The following SIRT2 variants were observed in gnomAD, a reference collection of about 807,000 sequenced individuals.
SIRT2 encodes the protein sirtuin 2.
A neutral mutation model predicts 57.4 loss-of-function variants in SIRT2; 40 were observed. The observed-to-expected ratio is 0.70, with a 90% CI of 0.54 to 0.91. The LOEUF is 0.91. Among genes scored for constraint, SIRT2 ranks in the 40% least tolerant of loss-of-function variants. SIRT2 has a pLI of 0.00. For synonymous variants in SIRT2, 161 were observed against 195.7 expected, an observed-to-expected ratio of 0.82 and a Z score of 1.48; for missense variants, 439 against 510.4, an observed-to-expected ratio of 0.86 and a Z score of 1.35.
rs201595060 is a variant in SIRT2 at position 38,880,640 on chromosome 19, G to A, written c.876+45C>T. ...TCCCTCTGAGGAAAAGGGTGAGAGG[G>A]AAGGGGGAGCCTGTGACGACGGGGG... On this transcript the variant is annotated intron_variant, in intron 13 of 15. Transcript: ENST00000249396. The surrounding 1 kb of genome is among the most constrained non-coding windows in gnomAD (Gnocchi z 4.1). 1 of 1,414,458 alleles carries A rather than the reference G, an allele frequency of 7.1e-7. No homozygotes were observed. The highest frequency in any genetic ancestry group is 1.4e-5 in the South Asian group (1 of 74,062). 87.6% of individuals were successfully genotyped at this position (1,414,458 alleles called of 1,614,324 possible).
chr19:38,893,879 G>T lies in SIRT2; in HGVS notation c.64-12C>A. The stretch of plus-strand genomic sequence containing the variant: ...TCTGAATCTGAGTCCTGGAAGGGGT[G>T]GGGTGGAGTGGCCAGGCCCGAGAGG... On this transcript the variant is annotated splice_polypyrimidine_tract_variant and intron_variant, in intron 2 of 15. Coordinates refer to ENST00000249396, the MANE Select transcript of SIRT2 (RefSeq NM_012237.4). 1.9e-6 allele frequency: 3 copies of T among 1,614,026 alleles called. No homozygotes were observed. Among genetic ancestry groups the T allele is most frequent in the Non-Finnish European group, 2.5e-6 (3 of 1,179,954 alleles).
chr19:38,890,285 C>A, intron 4 of SIRT2, 141 bp from the exon 5 acceptor site: 2 of 761,064 alleles, frequency 2.6e-6, no homozygotes, highest in Non-Finnish European at 2.2e-6. Context: ...GCCTTCCAAT[C>A]ATCTAGACGG....
chr19:38,886,460 T>C (rs113468314), intron 8 of SIRT2, among the ~76,000 whole-genome samples: 128 of 151,990 alleles, frequency 8.4e-4, no homozygotes, highest in African/African-American at 2.9e-3. Flanking sequence ...TGGTTTTTTT[T>C]TTTTTTTCTT....
At chr19:38,881,011 T>C in intron 11 of SIRT2, 89 bp downstream of exon 11, 2 of 1,552,794 alleles carry the variant, frequency 1.3e-6, no homozygotes, top group Non-Finnish European at 1.8e-6. Flanking sequence ...AGGTGACCTT[T>C]CCTGAGGCAG....
chr19:38,883,475 T>C, intron 9 of SIRT2, 152 bp downstream of exon 9: 1 of 1,020,304 alleles, frequency 9.8e-7, no homozygotes, highest in East Asian at 2.5e-5. Context: ...ACTCCCCGCG[T>C]GGGCGACAGA....
intron 2 of SIRT2, among the ~76,000 whole-genome samples, chr19:38,895,980 G>T (rs2144703805): frequency 6.6e-6 from 1 of 152,280 alleles, no homozygotes; most frequent in South Asian, 2.1e-4. Flanking sequence ...GCTGAGGCAG[G>T]AGAATCGCTT....
chr19:38,892,295 C>G (rs542468935), intron 4 of SIRT2, among the ~76,000 whole-genome samples: 1 of 151,678 alleles, frequency 6.6e-6, no homozygotes, highest in African/African-American at 2.4e-5. Context: ...ACTCGGGAGG[C>G]TGAGGCAGGA....
At chr19:38,894,463 G>A in intron 2 of SIRT2, 1 of 221,850 alleles carries the variant, frequency 4.5e-6, no homozygotes, top group South Asian at 6.4e-5. Flanking sequence ...GGGAGCTTGG[G>A]TGCTGGGCGC....
At position 38,879,246 on chromosome 19, in the gene SIRT2, A is replaced by AC; in HGVS notation, c.1078dup (p.Val360GlyfsTer47). 6.2e-7 allele frequency: 1 copy of AC among 1,601,534 alleles called. No individual in the cohort carries two copies. Among genetic ancestry groups the AC allele is most frequent in the South Asian group, 1.1e-5 (1 of 89,824 alleles). ...GGAAGCTGAAGTGCTGGGGTTGGGG[A>AC]CCCCCGCCCCCGACTGGGCATCTAT... On this transcript the variant is annotated frameshift_variant, in exon 16 of 16. Transcript: ENST00000249396. LOFTEE classifies it low-confidence loss of function (END_TRUNC).
chr19:38,881,410 A>C, intron 10 of SIRT2, 22 bp downstream of exon 10: 1 of 1,612,900 alleles, frequency 6.2e-7, no homozygotes, highest in Non-Finnish European at 8.5e-7. Context: ...CCACCTGGGC[A>C]GGTCCCTGGC....
chr19:38,881,607 G>C (rs1973157924), intron 9 of SIRT2, 116 bp from the exon 10 acceptor site: 1 of 762,950 alleles, frequency 1.3e-6, no homozygotes, highest in East Asian at 2.7e-5. Context: ...TCCATCACTT[G>C]GAGTGTGATG....
At chr19:38,892,332 G>C (rs1321628329) in intron 4 of SIRT2, among the ~76,000 whole-genome samples, 7 of 151,600 alleles carry the variant, frequency 4.6e-5, no homozygotes, top group Admixed American at 3.3e-4. Flanking sequence ...GGAGGTGGAG[G>C]TTGCAGTGAG....
intron 4 of SIRT2, among the ~76,000 whole-genome samples, chr19:38,891,276 C>T (rs992787489): frequency 3.3e-5 from 5 of 152,290 alleles, no homozygotes; most frequent in African/African-American, 1.2e-4. Flanking sequence ...GGGCCGGGCC[C>T]GGTGGCTCAC....
At chr19:38,886,310 T>C (rs1973335258) in intron 8 of SIRT2, among the ~76,000 whole-genome samples, 2 of 152,216 alleles carry the variant, frequency 1.3e-5, no homozygotes, top group Non-Finnish European at 2.9e-5. Context: ...GTTTTGCCTT[T>C]GGTACTTGAC....
rs200503228 is a variant in SIRT2, at chr19:38,883,665, G to A, written c.593C>T (p.Ala198Val). ...TAGCGGGTATTCGTGCCGGCAGCTGGCGCTGACGCAGTGTGATGTGTAGAA... is the reference window on the plus strand; with the variant it reads ...TAGCGGGTATTCGTGCCGGCAGCTGACGCTGACGCAGTGTGATGTGTAGAA... The part of the protein sequence containing the change: ...GTFYTSHCVS[A>V]SCRHEYPLSW... The change falls in exon 9 of 16, where the codon GCC (alanine) becomes GTC (valine). Residue 198 changes from alanine to valine, a missense_variant. Transcript: ENST00000249396. The A allele has an allele frequency of 1.9e-6, 3 of 1,614,028 alleles. No individual in the cohort carries two copies. Among genetic ancestry groups the A allele is most frequent in the Non-Finnish European group, 2.5e-6 (3 of 1,180,004 alleles).
chr19:38,888,066 A>G (rs1014412720), intron 8 of SIRT2, among the ~76,000 whole-genome samples: 2 of 151,734 alleles, frequency 1.3e-5, no homozygotes, highest in African/African-American at 4.8e-5. Context: ...CTGTTTTATA[A>G]TTCGGGGTTC....
At chr19:38,898,146 G>A (rs968226059) in intron 2 of SIRT2, among the ~76,000 whole-genome samples, 2 of 152,242 alleles carry the variant, frequency 1.3e-5, no homozygotes, top group Non-Finnish European at 2.9e-5. Context: ...GGCAGGCAGT[G>A]GCAAGGAAGA....
At chr19:38,887,130 GT>G (rs1469804247) in intron 8 of SIRT2, among the ~76,000 whole-genome samples, 1 of 152,022 alleles carries the variant, frequency 6.6e-6, no homozygotes, top group African/African-American at 2.4e-5. Flanking sequence ...TAGAGATGGG[GT>G]TTACAACAGC....
chr19:38,880,399 C>G lies in SIRT2; in HGVS notation c.876+286G>C, dbSNP rs186054180. ...AGAGCGTGGACCCAACCCCGCCCCCCGCACTGTCTCTCCTGACCCCTGCAC... is the reference window on the plus strand; with the variant it reads ...AGAGCGTGGACCCAACCCCGCCCCCGGCACTGTCTCTCCTGACCCCTGCAC... On this transcript the variant is annotated intron_variant, in intron 13 of 15. Transcript: ENST00000249396. This position sits in a 1 kb window ranked among gnomAD's most constrained non-coding sequence, Gnocchi z 4.1. The G allele has an allele frequency of 5.0e-3, 1,883 of 376,994 alleles. 78 individuals are homozygous for G. The Admixed American group carries it at 0.071, about 14-fold the overall frequency. The allele number at this position is 376,994 out of a possible 1,614,324, so 23.4% of individuals were successfully genotyped here. A position where few individuals can be genotyped will look rare whatever the true frequency, so the allele number is the denominator to read the frequency against.
Sources: gnomAD v4.1 joint callset for allele counts (sites outside exome capture counted in the v4.1 genomes callset) on GRCh38, gnomAD v4.1.1 for gene constraint, Gnocchi (gnomAD v3.1) non-coding constraint, MANE v1.5 for transcripts, NCBI Gene and HGNC (gene_info 2026-07-23, HGNC 2026-07-21) for gene names.